Variants in H2AC8 observed in about 807,000 individuals in gnomAD.
H2AC8 encodes histone H2A type 1-B/E.
A neutral mutation model predicts 6.3 loss-of-function variants in H2AC8; 9 were observed. The observed-to-expected ratio is 1.43, with a 90% CI of 0.86 to 2.49. The LOEUF is 2.49. H2AC8 is among the 30% of genes most tolerant of loss of function. The probability of loss-of-function intolerance (pLI) is 0.00; values close to 1 mark genes in which losing one functional copy is unlikely to be tolerated. For synonymous variants in H2AC8, 176 were observed against 79.6 expected (o/e 2.21, Z -6.45); for missense variants, 141 against 177.5 (o/e 0.79, Z 1.17).
At chr6:26,217,040 C>T (rs200001495) in exon 1 of H2AC8, 5 of 1,614,194 alleles carry the variant, frequency 3.1e-6, no homozygotes, top group Middle Eastern at 1.6e-4. Context: ...CTTCCAGGGC[C>T]GGTCTTCAGT....
chr6:26,217,281 A>G, exon 1 of H2AC8: 1 of 1,614,226 alleles, frequency 6.2e-7, no homozygotes, highest in Non-Finnish European at 8.5e-7. Context: ...TCGCGTGACC[A>G]TCGCGCAGGG....
chr6:26,217,329 AAG>A lies in H2AC8; in HGVS notation c.357_358del (p.Lys120AspfsTer6). Reference sequence around the variant, plus strand: ...CAACATCCAGGCCGTATTGCTGCCTAAGAAGACGGAGAGCCACCATAAGGCCA... The same window carrying A: ...CAACATCCAGGCCGTATTGCTGCCTAAAGACGGAGAGCCACCATAAGGCCA... On this transcript the variant is annotated frameshift_variant, in exon 1 of 1. Transcript: ENST00000303910. LOFTEE classifies it high-confidence loss of function. 1 of 1,614,156 alleles carries A rather than the reference AAG, an allele frequency of 6.2e-7. No individual in the cohort carries two copies. The highest frequency in any genetic ancestry group is 8.5e-7 in the Non-Finnish European group (1 of 1,180,012).
At chr6:26,217,214 C>T (rs759090362) in exon 1 of H2AC8, 2 of 1,614,200 alleles carry the variant, frequency 1.2e-6, no homozygotes, top group Middle Eastern at 1.6e-4. Context: ...CCCGCATCAT[C>T]CCGCGCCACC....
chr6:26,217,002 A>C (rs1165141340), exon 1 of H2AC8: 1 of 1,614,216 alleles, frequency 6.2e-7, no homozygotes, highest in Non-Finnish European at 8.5e-7. Flanking sequence ...GCAAGGCGGC[A>C]AAGCTCGGGC....
At chr6:26,217,366 G>A (rs1449000650) in exon 1 of H2AC8, 1 of 1,611,894 alleles carries the variant, frequency 6.2e-7, no homozygotes, top group East Asian at 2.2e-5. Context: ...AAGGGCAAGT[G>A]AAATGATTAC....
chr6:26,216,923 T>A, upstream of H2AC8: 4 of 1,597,700 alleles, frequency 2.5e-6, no homozygotes, highest in Non-Finnish European at 3.4e-6. Flanking sequence ...TCGAGCCCAT[T>A]CTTTTTCTTT....
At chr6:26,217,221 C>T in exon 1 of H2AC8, 1 of 1,614,208 alleles carries the variant, frequency 6.2e-7, no homozygotes, top group Non-Finnish European at 8.5e-7. Flanking sequence ...CATCCCGCGC[C>T]ACCTGCAGCT....
At chr6:26,216,984 C>T (rs1317626199) in exon 1 of H2AC8, 3 of 1,614,096 alleles carry the variant, frequency 1.9e-6, no homozygotes, top group Non-Finnish European at 2.5e-6. Context: ...TATGTCTGGA[C>T]GTGGAAAGCA....
chr6:26,216,937 C>T (rs1388102714), upstream of H2AC8: 5 of 1,608,530 alleles, frequency 3.1e-6, no homozygotes, highest in African/African-American at 2.7e-5. Context: ...TTTCTTTATT[C>T]AGTGGATTGT....
At chr6:26,217,165 T>C in exon 1 of H2AC8, 1 of 1,614,068 alleles carries the variant, frequency 6.2e-7, no homozygotes, top group Non-Finnish European at 8.5e-7. Context: ...GCCGAGATCT[T>C]AGAGCTAGCT....
exon 1 of H2AC8, chr6:26,217,427 A>G: frequency 1.3e-6 from 2 of 1,553,494 alleles, no homozygotes; most frequent in Non-Finnish European, 1.7e-6. Flanking sequence ...GGCTCTTTTC[A>G]GAGCCACCCA....
chr6:26,217,102 G>C, exon 1 of H2AC8: 2 of 1,614,216 alleles, frequency 1.2e-6, no homozygotes, highest in Non-Finnish European at 1.7e-6. Flanking sequence ...TACTCCGAAC[G>C]AGTCGGGGCC....
At chr6:26,217,027 G>A in exon 1 of H2AC8, 1 of 1,614,194 alleles carries the variant, frequency 6.2e-7, no homozygotes, top group Non-Finnish European at 8.5e-7. Context: ...GCTAAAACGC[G>A]TTCTTCCAGG....
chr6:26,217,346 CCAT>C, exon 1 of H2AC8: 1 of 1,614,026 alleles, frequency 6.2e-7, no homozygotes, highest in Non-Finnish European at 8.5e-7. Context: ...CGGAGAGCCA[CCAT>C]AAGGCCAAGG....
chr6:26,217,199 G>A (rs563842312), exon 1 of H2AC8: 11 of 1,614,176 alleles, frequency 6.8e-6, no homozygotes, highest in Admixed American at 3.3e-5. Context: ...GCGACAATAA[G>A]AAGACCCGCA....
At chr6:26,216,938 A>G (rs1388190202), upstream of H2AC8, 4 of 1,609,446 alleles carry the variant, frequency 2.5e-6, no homozygotes, top group Non-Finnish European at 2.5e-6. Context: ...TTCTTTATTC[A>G]GTGGATTGTT....
chr6:26,217,359 G>T, exon 1 of H2AC8: 1 of 1,612,556 alleles, frequency 6.2e-7, no homozygotes, highest in Non-Finnish European at 8.5e-7. Context: ...TAAGGCCAAG[G>T]GCAAGTGAAA....
At chr6:26,217,376 C>CTA in exon 1 of H2AC8, 1 of 1,603,600 alleles carries the variant, frequency 6.2e-7, no homozygotes, top group African/African-American at 1.3e-5. Flanking sequence ...GAAATGATTA[C>CTA]TAGTCAAATC....
chr6:26,217,292 C>T, exon 1 of H2AC8: 2 of 1,614,218 alleles, frequency 1.2e-6, no homozygotes, highest in Non-Finnish European at 1.7e-6. Context: ...TCGCGCAGGG[C>T]GGTGTCCTGC....
Sources: allele counts gnomAD v4.1 joint callset, GRCh38; gene constraint gnomAD v4.1.1; transcripts MANE v1.5; gene names NCBI Gene and HGNC (gene_info 2026-07-23, HGNC 2026-07-21).